Variants in POU6F2 observed in about 807,000 individuals in gnomAD.
The protein encoded by POU6F2 is POU domain, class 6, transcription factor 2.
Under a neutral mutation model 71.3 loss-of-function variants are expected in POU6F2, and 31 were observed. That is an observed-to-expected ratio of 0.43 (90% CI 0.33 to 0.59). POU6F2 has a LOEUF of 0.59. Ranked by LOEUF, POU6F2 falls within the 20% of genes least tolerant of loss-of-function variation. The pLI is 0.04. For missense variants in POU6F2, 783 were observed against 856.8 expected (o/e 0.91, Z 1.07); for synonymous variants, 347 against 355.7 (o/e 0.98, Z 0.27).
In POU6F2 at chr7:39,363,323, C is replaced by T. The variant is rs1056630252; in HGVS notation, c.972+23308C>T. 2.6e-5 allele frequency among the ~76,000 whole-genome samples: 4 copies of T among 151,922 alleles called. 1 individual carries two copies. The highest frequency in any genetic ancestry group is 1.3e-4 in the Admixed American group (2 of 15,248). On this transcript the variant is annotated intron_variant, in intron 5 of 9. Coordinates refer to ENST00000518318, the MANE Select transcript of POU6F2 (RefSeq NM_001370959.1). ...TAAGCAACTGGTAGTATGAAGTTCC[C>T]CATTGATCGAGGTAAGGAAGACAGT...
intron 2 of POU6F2, among the ~76,000 whole-genome samples, chr7:39,119,558 T>C (rs1422292366): frequency 6.6e-6 from 1 of 152,006 alleles, no homozygotes; most frequent in African/African-American, 2.4e-5. Flanking sequence ...GAGAAAGCTA[T>C]AAATAGTGGC....
intron 4 of POU6F2, among the ~76,000 whole-genome samples, chr7:39,225,188 T>C (rs564386253): frequency 6.6e-6 from 1 of 152,320 alleles, no homozygotes; most frequent in East Asian, 1.9e-4. Context: ...TTTCTTTTTT[T>C]TTTGAGACAG....
intron 2 of POU6F2, among the ~76,000 whole-genome samples, chr7:39,130,066 CAAAAAAAAAAAA>C (rs572365688): frequency 9.0e-5 from 4 of 44,576 alleles, no homozygotes; most frequent in Non-Finnish European, 1.9e-4. Context: ...GACTCCATCT[CAAAAAAAAAAAA>C]AAAAAAAAAA....
intron 4 of POU6F2, among the ~76,000 whole-genome samples, chr7:39,312,176 G>A (rs2128767174): frequency 9.9e-6 from 1 of 100,934 alleles, no homozygotes; most frequent in African/African-American, 3.6e-5. Context: ...AATGGACGAT[G>A]TAGTAGAAAA....
chr7:39,069,454 T>G (rs1256466723), intron 1 of POU6F2, among the ~76,000 whole-genome samples: 1 of 152,200 alleles, frequency 6.6e-6, no homozygotes, highest in African/African-American at 2.4e-5. Flanking sequence ...CCGTGCATGG[T>G]TTTTAAGTCC....
intron 6 of POU6F2, among the ~76,000 whole-genome samples, chr7:39,409,869 A>G (rs1406611237): frequency 1.3e-5 from 2 of 152,226 alleles, no homozygotes; most frequent in African/African-American, 4.8e-5. Context: ...AAATCTCCAT[A>G]TATTGAAGAA....
chr7:39,301,016 G>T (rs1411738320), intron 4 of POU6F2, among the ~76,000 whole-genome samples: 11 of 152,086 alleles, frequency 7.2e-5, no homozygotes, highest in Non-Finnish European at 1.0e-4. Context: ...TGTGTTTTGA[G>T]GAAATGCCAT....
At chr7:39,056,246 T>G (rs1584520138) in intron 1 of POU6F2, among the ~76,000 whole-genome samples, 1 of 152,256 alleles carries the variant, frequency 6.6e-6, no homozygotes, top group East Asian at 1.9e-4. Context: ...TGTTGTATGT[T>G]GTTTCAATTT....
At chr7:39,231,732 C>T (rs958936280) in intron 4 of POU6F2, among the ~76,000 whole-genome samples, 6 of 152,100 alleles carry the variant, frequency 3.9e-5, no homozygotes, top group Admixed American at 6.5e-5. Flanking sequence ...GATCCAGTGG[C>T]GGACTCAGGG....
At chr7:39,434,722 T>C (rs1443016787) in intron 7 of POU6F2, among the ~76,000 whole-genome samples, 1 of 151,926 alleles carries the variant, frequency 6.6e-6, no homozygotes, top group Non-Finnish European at 1.5e-5. Flanking sequence ...GTTTGTTACA[T>C]AGGTATATGT....
intron 5 of POU6F2, among the ~76,000 whole-genome samples, chr7:39,383,073 C>T (rs1255394365): frequency 1.3e-5 from 2 of 152,100 alleles, no homozygotes; most frequent in African/African-American, 4.8e-5. Flanking sequence ...ATGCGCATTG[C>T]CAAGGAGAAC....
At chr7:39,027,494 G>A (rs1789838698) in intron 1 of POU6F2, among the ~76,000 whole-genome samples, 1 of 152,184 alleles carries the variant, frequency 6.6e-6, no homozygotes, top group South Asian at 2.1e-4. Context: ...GGATCTCCAT[G>A]GAAAGGGAGG....
At chr7:39,370,171 T>C (rs2115748870) in intron 5 of POU6F2, among the ~76,000 whole-genome samples, 1 of 152,276 alleles carries the variant, frequency 6.6e-6, no homozygotes, top group East Asian at 1.9e-4. Flanking sequence ...AACAACCTGG[T>C]AAAGTAGACA....
At chr7:39,098,440 A>ATT (rs75448716) in intron 2 of POU6F2, among the ~76,000 whole-genome samples, 3 of 144,846 alleles carry the variant, frequency 2.1e-5, no homozygotes, top group Admixed American at 6.9e-5. Flanking sequence ...CACTCAGCTA[A>ATT]TTTTTTTTTT....
intron 5 of POU6F2, among the ~76,000 whole-genome samples, chr7:39,365,406 TTAAATC>T (rs1225780450): frequency 6.6e-6 from 1 of 152,202 alleles, no homozygotes; most frequent in African/African-American, 2.4e-5. Context: ...GATTAAGGAC[TTAAATC>T]TAAGACCTAA....
At chr7:39,006,102 GT>G (rs1393724809) in intron 1 of POU6F2, among the ~76,000 whole-genome samples, 1 of 152,214 alleles carries the variant, frequency 6.6e-6, no homozygotes, top group African/African-American at 2.4e-5. Flanking sequence ...CAGTCTAACA[GT>G]GTTGGAGTCA....
At chr7:39,118,493 C>A (rs760590938) in intron 2 of POU6F2, among the ~76,000 whole-genome samples, 5 of 151,552 alleles carry the variant, frequency 3.3e-5, no homozygotes, top group Admixed American at 6.6e-5. Context: ...AGACAAAGAC[C>A]AAGAAAGAGC....
chr7:39,030,500 CTATATATA>C (rs58426134), intron 1 of POU6F2, among the ~76,000 whole-genome samples: 768 of 46,236 alleles, frequency 0.017, 22 homozygotes, highest in Middle Eastern at 0.033. Context: ...TCAAAAAATA[CTATATATA>C]TATATATATA....
chr7:39,464,099 C>T lies in POU6F2; in HGVS notation c.1659-83C>T, dbSNP rs1789011576. ...TTAACCTGCAGTAAATTCGCCCTGC[C>T]AGGCAGTCAGGCAGGCAGGCAGGAG... On this transcript the variant is annotated intron_variant, in intron 9 of 9. Coordinates refer to ENST00000518318, the MANE Select transcript of POU6F2 (RefSeq NM_001370959.1). This position sits in a 1 kb window ranked among gnomAD's most constrained non-coding sequence, Gnocchi z 4.1. 5.3e-6 allele frequency: 8 copies of T among 1,514,088 alleles called. No homozygotes were observed. Among genetic ancestry groups the T allele is most frequent in the Non-Finnish European group, 7.1e-6 (8 of 1,119,014 alleles). The allele number at this position is 1,514,088 out of a possible 1,614,324, so 93.8% of individuals were successfully genotyped here. A position where few individuals can be genotyped will look rare whatever the true frequency, so the allele number is the denominator to read the frequency against.
Sources: gnomAD v4.1 joint callset for allele counts (sites outside exome capture counted in the v4.1 genomes callset) on GRCh38, gnomAD v4.1.1 for gene constraint, Gnocchi (gnomAD v3.1) non-coding constraint, MANE v1.5 for transcripts, NCBI Gene and HGNC (gene_info 2026-07-23, HGNC 2026-07-21) for gene names.